The following UGT1A10 variants were observed in gnomAD, a reference collection of about 807,000 sequenced individuals.
UGT1A10 encodes the protein UDP-glucuronosyltransferase 1A10.
Under a neutral mutation model 45.8 loss-of-function variants are expected in UGT1A10, and 49 were observed. That is an observed-to-expected ratio of 1.07 (90% CI 0.85 to 1.36). The LOEUF is 1.36. Ranked by LOEUF, UGT1A10 falls within the 40% of genes most tolerant of loss-of-function variation. The pLI, the probability that UGT1A10 is intolerant of heterozygous loss-of-function variation, is 0.00. For missense variants in UGT1A10, 745 were observed against 668.6 expected (o/e 1.11, Z -1.26); for synonymous variants, 284 against 249.7 (o/e 1.14, Z -1.29).
At chr2:233,765,745 A>T in intron 1 of UGT1A10, among the ~76,000 whole-genome samples, 1 of 151,724 alleles carries the variant, frequency 6.6e-6, no homozygotes, top group East Asian at 1.9e-4. Flanking sequence ...AAACCCATAA[A>T]GCCATTTGAG....
chr2:233,655,092 A>AG (rs2073827920), intron 1 of UGT1A10, among the ~76,000 whole-genome samples: 1 of 152,210 alleles, frequency 6.6e-6, no homozygotes, highest in South Asian at 2.1e-4. Flanking sequence ...CTCTCTCAAA[A>AG]AAAAGAAAGA....
chr2:233,722,716 GT>G (rs1305467466), intron 1 of UGT1A10, among the ~76,000 whole-genome samples: 12 of 151,988 alleles, frequency 7.9e-5, no homozygotes, highest in Non-Finnish European at 1.5e-5. Flanking sequence ...TTAAATATCA[GT>G]TTTTAAATTT....
In UGT1A10 at chr2:233,648,145, C is replaced by T. The variant is rs149460120; in HGVS notation, c.855+10768C>T. The T allele has an allele frequency of 2.4e-4, 305 of 1,255,770 alleles. 2 individuals carry two copies. Among genetic ancestry groups the T allele is most frequent in the African/African-American group, 2.2e-3 (146 of 66,536 alleles). The allele number at this position is 1,255,770 out of a possible 1,614,324, so 77.8% of individuals were successfully genotyped here. Reference sequence around the variant, plus strand: ...TGCTCAATGGGAAGCAGAAGTACGACGCTTATTTTCTCTATTAATGAGTTC... The same window carrying T: ...TGCTCAATGGGAAGCAGAAGTACGATGCTTATTTTCTCTATTAATGAGTTC... On this transcript the variant is annotated intron_variant, in intron 1 of 4. Coordinates refer to ENST00000344644, the MANE Select transcript of UGT1A10 (RefSeq NM_019075.4).
Position 233,757,147 on chromosome 2 carries a change from C to T in UGT1A10, c.856-9887C>T, listed in dbSNP as rs1696419707. Among the ~76,000 whole-genome samples, 3 of 151,258 alleles carry T rather than the reference C, an allele frequency of 2.0e-5. No individual in the cohort carries two copies. The South Asian group carries it at 6.3e-4, about 32-fold the overall frequency. Reference sequence around the variant, plus strand: ...GGAGGAATGAGCTTGGACAGGTGGGCTGGGGTCTATCCCAGAGTTTTGAGA... The same window carrying T: ...GGAGGAATGAGCTTGGACAGGTGGGTTGGGGTCTATCCCAGAGTTTTGAGA... On this transcript the variant is annotated intron_variant, in intron 1 of 4. Transcript: ENST00000344644.
chr2:233,761,475 T>C (rs930055799), intron 1 of UGT1A10, among the ~76,000 whole-genome samples: 6 of 152,232 alleles, frequency 3.9e-5, no homozygotes, highest in African/African-American at 1.2e-4. Flanking sequence ...GAAAACTCAG[T>C]TGAAGCCTGC....
At chr2:233,673,672 C>T (rs1378873633) in intron 1 of UGT1A10, among the ~76,000 whole-genome samples, 1 of 152,118 alleles carries the variant, frequency 6.6e-6, no homozygotes, top group Admixed American at 6.5e-5. Context: ...TTCTTATTAA[C>T]ATTTATTCCT....
intron 1 of UGT1A10, chr2:233,729,935 T>A (rs2077953750): frequency 6.2e-7 from 1 of 1,613,974 alleles, no homozygotes; most frequent in African/African-American, 1.3e-5. Context: ...AGGCCAATCA[T>A]GCCCAACATG....
At chr2:233,747,854 G>A (rs28900382) in intron 1 of UGT1A10, 43 of 1,613,390 alleles carry the variant, frequency 2.7e-5, no homozygotes, top group Non-Finnish European at 3.6e-5. Flanking sequence ...TCAAGAACAT[G>A]CTCTACCCTC....
At chr2:233,715,915 T>G (rs2076477324) in intron 1 of UGT1A10, among the ~76,000 whole-genome samples, 1 of 152,210 alleles carries the variant, frequency 6.6e-6, no homozygotes, top group Admixed American at 6.5e-5. Context: ...GGAGGATCAT[T>G]GAGCTCAGGA....
At chr2:233,733,474 A>T (rs894713711) in intron 1 of UGT1A10, among the ~76,000 whole-genome samples, 1 of 152,316 alleles carries the variant, frequency 6.6e-6, no homozygotes, top group Admixed American at 6.5e-5. Context: ...TTATTTTGAG[A>T]TACTTCCATC....
chr2:233,746,892 G>A (rs1693507408), intron 1 of UGT1A10, among the ~76,000 whole-genome samples: 1 of 151,796 alleles, frequency 6.6e-6, no homozygotes, highest in African/African-American at 2.4e-5. Flanking sequence ...GAAGTAGGAG[G>A]CTGTGACATG....
chr2:233,763,862 C>T (rs755965727), intron 1 of UGT1A10, among the ~76,000 whole-genome samples: 8 of 152,072 alleles, frequency 5.3e-5, no homozygotes, highest in South Asian at 2.1e-4. Context: ...CACAGACAAT[C>T]GCAATGCTGG....
At chr2:233,677,651 G>A (rs1277496888) in intron 1 of UGT1A10, among the ~76,000 whole-genome samples, 1 of 151,910 alleles carries the variant, frequency 6.6e-6, no homozygotes, top group Non-Finnish European at 1.5e-5. Flanking sequence ...CAGTTAGAAT[G>A]GCTGTTATTA....
At chr2:233,730,107 G>A (rs2077985691) in intron 1 of UGT1A10, 1 of 1,570,754 alleles carries the variant, frequency 6.4e-7, no homozygotes, top group Non-Finnish European at 8.6e-7. Flanking sequence ...TTTCATTTCT[G>A]CTTCTCCTTG....
At position 233,769,852 on chromosome 2, in the gene UGT1A10, T is replaced by C; in HGVS notation, c.1295+1413T>C. On this transcript the variant is annotated intron_variant, in intron 4 of 4. Coordinates refer to ENST00000344644, the MANE Select transcript of UGT1A10 (RefSeq NM_019075.4). The surrounding 1 kb of genome is among the most constrained non-coding windows in gnomAD (Gnocchi z 4.4). ...CAACCTGGGCAACAGAGTGAGACCC[T>C]GTCTCAAAAAAAAAAAAAAAAATGA... The C allele has an allele frequency of 2.2e-6, 1 of 461,208 alleles. No individual in the cohort carries two copies. Among genetic ancestry groups the C allele is most frequent in the South Asian group, 5.8e-5 (1 of 17,366 alleles). The allele number at this position is 461,208 out of a possible 1,614,324, so 28.6% of individuals were successfully genotyped here.
intron 1 of UGT1A10, among the ~76,000 whole-genome samples, chr2:233,748,668 G>C (rs1413455817): frequency 6.6e-6 from 1 of 151,746 alleles, no homozygotes; most frequent in East Asian, 1.9e-4. Context: ...TTCCAGAGAG[G>C]GATCTGTGCT....
chr2:233,734,888 G>C (rs895051650), intron 1 of UGT1A10, among the ~76,000 whole-genome samples: 2 of 152,104 alleles, frequency 1.3e-5, no homozygotes, highest in African/African-American at 4.8e-5. Context: ...ACAGTTTGTT[G>C]TGATTTCTAT....
chr2:233,636,569 T>C lies in UGT1A10; in HGVS notation c.47T>C (p.Leu16Pro). ...AGCCCCGTTCCTTTATGTGTGTGTCTACTGCTGACCTGTGGCTTTGCCGAG... is the reference window on the plus strand; with the variant it reads ...AGCCCCGTTCCTTTATGTGTGTGTCCACTGCTGACCTGTGGCTTTGCCGAG... The part of the protein sequence containing the change: ...WTSPVPLCVC[L>P]LLTCGFAEAG... The change falls in exon 1 of 5, where the codon CTA (leucine) becomes CCA (proline). Residue 16 changes from leucine (L) to proline (P), a missense_variant. Coordinates refer to ENST00000344644, the MANE Select transcript of UGT1A10 (RefSeq NM_019075.4). 1 of 1,614,202 alleles carries C rather than the reference T, an allele frequency of 6.2e-7. No individual in the cohort carries two copies. Among genetic ancestry groups the C allele is most frequent in the Non-Finnish European group, 8.5e-7 (1 of 1,180,040 alleles).
At chr2:233,748,027 A>C in intron 1 of UGT1A10, 1 of 1,613,516 alleles carries the variant, frequency 6.2e-7, no homozygotes, top group Non-Finnish European at 8.5e-7. Flanking sequence ...ATCATGCCCA[A>C]CATGGTCTTC....
Sources: allele counts gnomAD v4.1 joint callset (sites outside exome capture counted in the v4.1 genomes callset), GRCh38; gene constraint gnomAD v4.1.1; non-coding constraint Gnocchi (gnomAD v3.1); transcripts MANE v1.5; gene names NCBI Gene and HGNC (gene_info 2026-07-23, HGNC 2026-07-21).